DAB2IP: variants seen among roughly 807,000 people sequenced by gnomAD.
DAB2IP encodes disabled homolog 2-interacting protein.
A neutral mutation model predicts 107.2 loss-of-function variants in DAB2IP; 28 were observed. The observed-to-expected ratio is 0.26, with a 90% CI of 0.19 to 0.36. The LOEUF (loss-of-function observed/expected upper bound fraction) is 0.36. Ranked by LOEUF, DAB2IP falls within the 10% of genes least tolerant of loss-of-function variation. The pLI is 1.00. For missense variants in DAB2IP, 1,400 were observed against 1,644.7 expected (o/e 0.85, Z 2.57); for synonymous variants, 755 against 706.4 (o/e 1.07, Z -1.09).
intron 1 of DAB2IP, among the ~76,000 whole-genome samples, chr9:121,644,610 TA>T (rs959825738): frequency 1.4e-5 from 2 of 144,184 alleles, no homozygotes; most frequent in African/African-American, 5.1e-5. Context: ...AAATAAAAAA[TA>T]AAAAAAGAGA....
At chr9:121,680,201 G>A (rs1013189327) in intron 2 of DAB2IP, among the ~76,000 whole-genome samples, 4 of 152,186 alleles carry the variant, frequency 2.6e-5, no homozygotes, top group African/African-American at 9.7e-5. Flanking sequence ...CCGAGTCAAG[G>A]TCACGTGGAA....
At chr9:121,670,972 G>C (rs1375666800) in intron 1 of DAB2IP, among the ~76,000 whole-genome samples, 1 of 152,052 alleles carries the variant, frequency 6.6e-6, no homozygotes, top group Non-Finnish European at 1.5e-5. Context: ...CCAACATGGT[G>C]AAACCCCGTC....
intron 1 of DAB2IP, among the ~76,000 whole-genome samples, chr9:121,646,382 T>A (rs898441231): frequency 6.6e-6 from 1 of 152,066 alleles, no homozygotes; most frequent in Non-Finnish European, 1.5e-5. Context: ...CTGCTCCTGG[T>A]CCAGCCTTAT....
At chr9:121,593,597 A>ACTTTCTTTCTTT (rs375746544) in intron 1 of DAB2IP, among the ~76,000 whole-genome samples, 13 of 146,046 alleles carry the variant, frequency 8.9e-5, no homozygotes, top group African/African-American at 3.3e-4. Flanking sequence ...TCAGCCTCCC[A>ACTTTCTTTCTTT]CTTTCTTTCT....
chr9:121,736,297 G>A lies in DAB2IP; in HGVS notation c.363-20716G>A, dbSNP rs1427691495. ...CGGGCCAAACTGGAATGCGCCGCGA[G>A]AGCCGGGCCGCGGGCAAGTGAGGGG... On this transcript the variant is annotated intron_variant, in intron 3 of 15. Transcript: ENST00000408936. This position sits in a 1 kb window ranked among gnomAD's most constrained non-coding sequence, Gnocchi z 4.6. Among the ~76,000 whole-genome samples the A allele has an allele frequency of 1.3e-5, 2 of 152,230 alleles. No homozygotes were observed. Among genetic ancestry groups the A allele is most frequent in the Non-Finnish European group, 2.9e-5 (2 of 68,044 alleles).
At position 121,702,159 on chromosome 9, in the gene DAB2IP, G is replaced by A. The variant is rs926777825; in HGVS notation, c.362+2701G>A. Among the ~76,000 whole-genome samples the A allele has an allele frequency of 1.3e-5, 2 of 152,206 alleles. No individual in the cohort carries two copies. The highest frequency in any genetic ancestry group is 2.9e-5 in the Non-Finnish European group (2 of 68,032). On this transcript the variant is annotated intron_variant, in intron 3 of 15. Transcript: ENST00000408936. The surrounding 1 kb of genome is among the most constrained non-coding windows in gnomAD (Gnocchi z 4.5). ...ATATGGCTGCTGAAGAGGCTTTGTTGAATGCTGTCTGCGTGCTCCGCAAGC... is the reference window on the plus strand; with the variant it reads ...ATATGGCTGCTGAAGAGGCTTTGTTAAATGCTGTCTGCGTGCTCCGCAAGC...
At position 121,599,996 on chromosome 9, in the gene DAB2IP, C is replaced by T. The variant is rs568787713; in HGVS notation, c.40+32768C>T. ...GAGCCTTTAAACTTTCCTGTGCGCCCTGCCCAGATCTCGACCGCCGGGACC... is the reference window on the plus strand; with the variant it reads ...GAGCCTTTAAACTTTCCTGTGCGCCTTGCCCAGATCTCGACCGCCGGGACC... On this transcript the variant is annotated intron_variant, in intron 1 of 16. Transcript: ENST00000259371. This position sits in a 1 kb window ranked among gnomAD's most constrained non-coding sequence, Gnocchi z 6.9. Among the ~76,000 whole-genome samples, 51 of 152,270 alleles carry T rather than the reference C, an allele frequency of 3.3e-4. 1 individual carries two copies. In the South Asian group the frequency reaches 9.3e-3, roughly 28 times the overall value.
intron 3 of DAB2IP, among the ~76,000 whole-genome samples, chr9:121,754,429 C>T (rs1833336184): frequency 6.6e-6 from 1 of 152,138 alleles, no homozygotes; most frequent in Admixed American, 6.5e-5. Flanking sequence ...CACTTGGGGC[C>T]TCCCTGGGCC....
At chr9:121,620,580 T>C (rs1313745027) in intron 1 of DAB2IP, among the ~76,000 whole-genome samples, 1 of 152,196 alleles carries the variant, frequency 6.6e-6, no homozygotes, top group Non-Finnish European at 1.5e-5. Context: ...GCCTGGCTTA[T>C]AAAAGGAGCT....
chr9:121,699,269 C>A lies in DAB2IP; in HGVS notation c.229-56C>A. 3 of 1,260,284 alleles carry A rather than the reference C, an allele frequency of 2.4e-6. No homozygotes were observed. The highest frequency in any genetic ancestry group is 3.0e-6 in the Non-Finnish European group (3 of 984,334). The allele number at this position is 1,260,284 out of a possible 1,614,324, so 78.1% of individuals were successfully genotyped here. A position where few individuals can be genotyped will look rare whatever the true frequency, so the allele number is the denominator to read the frequency against. On this transcript the variant is annotated intron_variant, in intron 2 of 15. Transcript: ENST00000408936. The surrounding 1 kb of genome is among the most constrained non-coding windows in gnomAD (Gnocchi z 6.2). ...TGCGGGTCCCGCGCGGGTCCCGGCC[C>A]GCCGCCGCCGCGCTAACCCCGCCTC...
intron 1 of DAB2IP, among the ~76,000 whole-genome samples, chr9:121,627,346 T>A (rs1011974483): frequency 6.6e-6 from 1 of 151,578 alleles, no homozygotes; most frequent in Non-Finnish European, 1.5e-5. Flanking sequence ...AGGCCCCCTG[T>A]GATGGACACA....
chr9:121,769,377 G>A (rs368116534), intron 10 of DAB2IP, among the ~76,000 whole-genome samples: 2 of 152,262 alleles, frequency 1.3e-5, no homozygotes, highest in African/African-American at 4.8e-5. Flanking sequence ...ACATGCAGGC[G>A]CACACACATA....
chr9:121,682,376 G>A (rs1317149424), intron 2 of DAB2IP, among the ~76,000 whole-genome samples: 1 of 152,188 alleles, frequency 6.6e-6, no homozygotes, highest in African/African-American at 2.4e-5. Flanking sequence ...GGGGTGCTCC[G>A]CAGGGAGAAT....
intron 1 of DAB2IP, among the ~76,000 whole-genome samples, chr9:121,644,758 A>G (rs1370447370): frequency 6.6e-6 from 1 of 152,194 alleles, no homozygotes; most frequent in African/African-American, 2.4e-5. Context: ...ATACCCCTTT[A>G]TACCTTAGGA....
Position 121,698,381 on chromosome 9 carries a change from T to C in DAB2IP, c.229-944T>C, listed in dbSNP as rs1026319515. ...GGAAGATTGGTTTGACCTGTGTGTA[T>C]TGAACGCCTGTCTCCTCTGTCTCTG... On this transcript the variant is annotated intron_variant, in intron 2 of 15. Coordinates refer to ENST00000408936, the Ensembl canonical transcript of DAB2IP. The surrounding 1 kb of genome is among the most constrained non-coding windows in gnomAD (Gnocchi z 4.1). Among the ~76,000 whole-genome samples the C allele has an allele frequency of 4.6e-5, 7 of 152,324 alleles. No individual in the cohort carries two copies. The highest frequency in any genetic ancestry group is 7.2e-5 in the African/African-American group (3 of 41,556).
intron 1 of DAB2IP, among the ~76,000 whole-genome samples, chr9:121,641,876 TCTGTCCATTTCTTTCC>T (rs1832301920): frequency 7.6e-6 from 1 of 132,372 alleles, no homozygotes; most frequent in Admixed American, 7.5e-5. Flanking sequence ...TTTCTTTCTT[TCTGTCCATTTCTTTCC>T]CTTTCTTTCT....
At chr9:121,605,801 TG>T (rs1386919566) in intron 1 of DAB2IP, among the ~76,000 whole-genome samples, 1 of 152,140 alleles carries the variant, frequency 6.6e-6, no homozygotes, top group African/African-American at 2.4e-5. Context: ...CCACCGCACC[TG>T]GCTTCTTTAG....
At position 121,758,005 on chromosome 9, in the gene DAB2IP, G is replaced by A. The variant is rs750489257; in HGVS notation, c.516+839G>A. 5.7e-4 allele frequency among the ~76,000 whole-genome samples: 87 copies of A among 152,316 alleles called. 1 individual carries two copies. Among genetic ancestry groups the A allele is most frequent in the Non-Finnish European group, 1.0e-3 (71 of 68,020 alleles). On this transcript the variant is annotated intron_variant, in intron 4 of 15. Transcript: ENST00000408936. ...CTGCCCCATACCCTGTGCCCACTGG[G>A]GACCATTTCTGGTTCAGGACTCCTG...
intron 1 of DAB2IP, among the ~76,000 whole-genome samples, chr9:121,656,438 GCAAGGGCCCTAGGCCTGGCT>G (rs1409568003): frequency 6.6e-6 from 1 of 152,236 alleles, no homozygotes; most frequent in Non-Finnish European, 1.5e-5. Flanking sequence ...AATGTTCCCT[GCAAGGGCCCTAGGCCTGGCT>G]CTCTGCCTCC....
Sources: allele counts gnomAD v4.1 joint callset (sites outside exome capture counted in the v4.1 genomes callset), GRCh38; gene constraint gnomAD v4.1.1; non-coding constraint Gnocchi (gnomAD v3.1); transcripts MANE v1.5; gene names NCBI Gene and HGNC (gene_info 2026-07-23, HGNC 2026-07-21).